Variants in DHRS3 observed in about 807,000 individuals in gnomAD.
DHRS3 encodes the protein short-chain dehydrogenase/reductase 3.
Under a neutral mutation model 27.2 loss-of-function variants are expected in DHRS3, and 14 were observed. The observed-to-expected ratio is 0.52, with a 90% CI of 0.34 to 0.81. The LOEUF is 0.81. Among genes scored for constraint, DHRS3 ranks in the 30% least tolerant of loss-of-function variants. The pLI, the probability that DHRS3 is intolerant of heterozygous loss-of-function variation, is 0.01. For synonymous variants in DHRS3, 165 were observed against 175.9 expected (o/e 0.94, Z 0.49); for missense variants, 322 against 406.2 (o/e 0.79, Z 1.78).
intron 5 of DHRS3, among the ~76,000 whole-genome samples, chr1:12,572,012 T>G (rs1292158185): frequency 6.6e-6 from 1 of 152,156 alleles, no homozygotes; most frequent in Non-Finnish European, 1.5e-5. Context: ...TGCAAAAAGG[T>G]AGAACAATGC....
chr1:12,598,866 C>A (rs1429894322), intron 1 of DHRS3, among the ~76,000 whole-genome samples: 1 of 152,192 alleles, frequency 6.6e-6, no homozygotes, highest in Non-Finnish European at 1.5e-5. Context: ...GTTGGCGGTA[C>A]CCCTCAGAGC....
rs1646883864 is a variant in DHRS3, at chr1:12,608,231, C to T, written c.195+8923G>A. Among the ~76,000 whole-genome samples, 1 of 152,034 alleles carries T rather than the reference C, an allele frequency of 6.6e-6. No individual in the cohort carries two copies. Among genetic ancestry groups the T allele is most frequent in the Non-Finnish European group, 1.5e-5 (1 of 67,998 alleles). On this transcript the variant is annotated intron_variant, in intron 1 of 5. Coordinates refer to ENST00000616661, the MANE Select transcript of DHRS3 (RefSeq NM_004753.7). The surrounding 1 kb of genome is among the most constrained non-coding windows in gnomAD (Gnocchi z 4.1). ...ATTTTCCACCACCTTTTTGAAGTCC[C>T]CTTGTATATTACCACAGTCACGTAT... is the stretch of plus-strand genomic sequence containing the variant.
chr1:12,615,974 A>AGAGTTAATCGGATC (rs1553143630), intron 1 of DHRS3, among the ~76,000 whole-genome samples: 2 of 152,194 alleles, frequency 1.3e-5, no homozygotes, highest in Admixed American at 1.3e-4. Flanking sequence ...CGGCTAGGGA[A>AGAGTTAATCGGATC]GAGTTAATCG....
chr1:12,613,633 G>C (rs188415045), intron 1 of DHRS3, among the ~76,000 whole-genome samples: 1 of 152,202 alleles, frequency 6.6e-6, no homozygotes, highest in African/African-American at 2.4e-5. Flanking sequence ...CTGGCTGGGT[G>C]CTGTAGGAAC....
At chr1:12,571,679 C>T (rs560882628) in intron 5 of DHRS3, among the ~76,000 whole-genome samples, 35 of 151,990 alleles carry the variant, frequency 2.3e-4, no homozygotes, top group Admixed American at 5.2e-4. Flanking sequence ...TACAGGCACA[C>T]GCCACCACAC....
At chr1:12,599,312 G>A (rs2100705054) in intron 1 of DHRS3, among the ~76,000 whole-genome samples, 1 of 152,268 alleles carries the variant, frequency 6.6e-6, no homozygotes, top group African/African-American at 2.4e-5. Flanking sequence ...CCAGGATGCT[G>A]GGAGAAAAGC....
intron 1 of DHRS3, among the ~76,000 whole-genome samples, chr1:12,614,339 T>A (rs1422895485): frequency 6.6e-6 from 1 of 151,986 alleles, no homozygotes; most frequent in East Asian, 1.9e-4. Flanking sequence ...AAGTTTAAGG[T>A]TTGTGAATGC....
chr1:12,573,726 T>G (rs752953612), intron 4 of DHRS3, among the ~76,000 whole-genome samples: 1 of 152,250 alleles, frequency 6.6e-6, no homozygotes, highest in Non-Finnish European at 1.5e-5. Flanking sequence ...AATGAATGAT[T>G]GCATAAGCAA....
chr1:12,573,734 CAA>C (rs1415950872), intron 4 of DHRS3, among the ~76,000 whole-genome samples: 3 of 152,224 alleles, frequency 2.0e-5, no homozygotes, highest in Non-Finnish European at 4.4e-5. Flanking sequence ...ATTGCATAAG[CAA>C]ACATCAGGGG....
In DHRS3 at chr1:12,594,247, A is replaced by C. The variant is rs1294377452; in HGVS notation, c.196-13581T>G. 6.6e-6 allele frequency among the ~76,000 whole-genome samples: 1 copy of C among 152,232 alleles called. No homozygotes were observed. The highest frequency in any genetic ancestry group is 2.4e-5 in the African/African-American group (1 of 41,470). ...TTTCAAAGCAAGGCTCGGACTCCAA[A>C]GGGAAGCTCTTTTAACAACCCTGTC... On this transcript the variant is annotated intron_variant, in intron 1 of 5. Coordinates refer to ENST00000616661, the MANE Select transcript of DHRS3 (RefSeq NM_004753.7). The surrounding 1 kb of genome is among the most constrained non-coding windows in gnomAD (Gnocchi z 4.1).
chr1:12,580,489 C>T, intron 2 of DHRS3, 34 bp downstream of exon 2: 1 of 1,614,048 alleles, frequency 6.2e-7, no homozygotes, highest in South Asian at 1.1e-5. Flanking sequence ...CTGTGGTCAG[C>T]TGTGCTAGGA....
chr1:12,578,679 G>A lies in DHRS3; in HGVS notation c.698+39C>T. ...GACTGAATGGCTTGGGGAGGCAGGT[G>A]AGAAGGCTGGTCTCAAGGTGGGTCC... is the stretch of plus-strand genomic sequence containing the variant. On this transcript the variant is annotated intron_variant, in intron 4 of 5. Transcript: ENST00000616661. This position sits in a 1 kb window ranked among gnomAD's most constrained non-coding sequence, Gnocchi z 4.5. The A allele has an allele frequency of 1.3e-6, 2 of 1,581,422 alleles. No homozygotes were observed. The highest frequency in any genetic ancestry group is 1.1e-5 in the South Asian group (1 of 90,324).
At chr1:12,598,868 C>T (rs776072500) in intron 1 of DHRS3, among the ~76,000 whole-genome samples, 1 of 152,182 alleles carries the variant, frequency 6.6e-6, no homozygotes, top group Non-Finnish European at 1.5e-5. Context: ...TGGCGGTACC[C>T]CTCAGAGCTG....
At position 12,591,596 on chromosome 1, in the gene DHRS3, G is replaced by A. The variant is rs1646746131; in HGVS notation, c.196-10930C>T. On this transcript the variant is annotated intron_variant, in intron 1 of 5. Transcript: ENST00000616661. This position sits in a 1 kb window ranked among gnomAD's most constrained non-coding sequence, Gnocchi z 4.1. ...GACAGTAGCTCTGACATGCACGTGGGGCTCACTAGCTGGCCACACTGCCTC... is the reference window on the plus strand; with the variant it reads ...GACAGTAGCTCTGACATGCACGTGGAGCTCACTAGCTGGCCACACTGCCTC... Among the ~76,000 whole-genome samples the A allele has an allele frequency of 6.6e-6, 1 of 152,240 alleles. No homozygotes were observed. The highest frequency in any genetic ancestry group is 1.5e-5 in the Non-Finnish European group (1 of 68,042).
At position 12,572,946 on chromosome 1, in the gene DHRS3, T is replaced by C. The variant is rs932496282; in HGVS notation, c.699-93A>G. 3.5e-6 allele frequency: 5 copies of C among 1,437,494 alleles called. No homozygotes were observed. The African/African-American group carries it at 5.8e-5, about 17-fold the overall frequency. 89.0% of individuals were successfully genotyped at this position (1,437,494 alleles called of 1,614,324 possible). The stretch of plus-strand genomic sequence containing the variant: ...AGGCTGACATGTCTGGGTCACCCTT[T>C]GGCTTTTCCTGTCTGAGAGATTCGA... On this transcript the variant is annotated intron_variant, in intron 4 of 5. Transcript: ENST00000616661.
In DHRS3 at chr1:12,593,331, C is replaced by T. The variant is rs1046526507; in HGVS notation, c.196-12665G>A. ...TTCTCTTTTCCCAAGTATCCCTCTC[C>T]TTGTAGGGCACCCTCTTTTCTTTTT... On this transcript the variant is annotated intron_variant, in intron 1 of 5. Transcript: ENST00000616661. This position sits in a 1 kb window ranked among gnomAD's most constrained non-coding sequence, Gnocchi z 4.6. Among the ~76,000 whole-genome samples, 1 of 152,146 alleles carries T rather than the reference C, an allele frequency of 6.6e-6. No homozygotes were observed. The highest frequency in any genetic ancestry group is 2.4e-5 in the African/African-American group (1 of 41,430).
At chr1:12,590,388 G>A in intron 1 of DHRS3, among the ~76,000 whole-genome samples, 1 of 152,176 alleles carries the variant, frequency 6.6e-6, no homozygotes, top group East Asian at 1.9e-4. Flanking sequence ...TTGGCTCACT[G>A]AAACCTTCAC....
chr1:12,606,840 A>G (rs1646875267), intron 1 of DHRS3, among the ~76,000 whole-genome samples: 1 of 152,148 alleles, frequency 6.6e-6, no homozygotes, highest in South Asian at 2.1e-4. Context: ...ATCTTGAAGC[A>G]TTTCTTCAAA....
chr1:12,585,211 A>ATCTCTGTGTGTCTCTGTGAGTGTG (rs145659460), intron 1 of DHRS3, among the ~76,000 whole-genome samples: 4,951 of 140,170 alleles, frequency 0.035, 127 homozygotes, highest in South Asian at 0.042. Context: ...GTGTCTGTGT[A>ATCTCTGTGTGTCTCTGTGAGTGTG]TCTCTGTGTG....
Sources: gnomAD v4.1 joint callset for allele counts (sites outside exome capture counted in the v4.1 genomes callset) on GRCh38, gnomAD v4.1.1 for gene constraint, Gnocchi (gnomAD v3.1) non-coding constraint, MANE v1.5 for transcripts, NCBI Gene and HGNC (gene_info 2026-07-23, HGNC 2026-07-21) for gene names.